The following HEPHL1 variants were observed in gnomAD, a reference collection of about 807,000 sequenced individuals.
HEPHL1 encodes the protein ferroxidase HEPHL1.
A neutral mutation model predicts 122.0 loss-of-function variants in HEPHL1; 123 were observed. The ratio of observed to expected loss-of-function variants is 1.01; its 90% CI spans 0.87 to 1.17. HEPHL1 has a LOEUF of 1.17. Ranked by LOEUF, HEPHL1 falls within the 50% of genes most tolerant of loss-of-function variation. The pLI, the probability that HEPHL1 is intolerant of heterozygous loss-of-function variation, is 0.00. For missense variants in HEPHL1, 1,452 were observed against 1,430.5 expected (o/e 1.01, Z -0.24); for synonymous variants, 527 against 508.9 (o/e 1.04, Z -0.48).
In HEPHL1 at chr11:94,073,163, T is replaced by C. The variant is rs763453557; in HGVS notation, c.1371T>C (p.Leu457=). ...LSAEEAHLGI[L]GPVIKAEVGD... Reference sequence around the variant, plus strand: ...CTGAAGAAGCCCATCTTGGAATTCTTGGTACAGTAAAACCATCCCCCATGC... The same window carrying C: ...CTGAAGAAGCCCATCTTGGAATTCTCGGTACAGTAAAACCATCCCCCATGC... Residue 457 remains leucine (L), a splice_region_variant and synonymous_variant, in exon 7 of 20, where the codon CTT becomes CTC. Coordinates refer to ENST00000315765, the MANE Select transcript of HEPHL1 (RefSeq NM_001098672.2). The C allele has an allele frequency of 3.7e-5, 60 of 1,612,970 alleles. No individual in the cohort carries two copies. The highest frequency in any genetic ancestry group is 4.9e-5 in the Non-Finnish European group (58 of 1,179,440).
chr11:94,113,372 C>G lies in HEPHL1; in HGVS notation c.*1478C>G, dbSNP rs537242264. On this transcript the variant is annotated 3_prime_UTR_variant, in exon 20 of 20. Coordinates refer to ENST00000315765, the MANE Select transcript of HEPHL1 (RefSeq NM_001098672.2). ...TATTCTGGTGGAGGGACCTTTCACA[C>G]TGTCTCATCTTCATCTTCATGAGGG... 11 of 152,188 alleles carry G rather than the reference C, an allele frequency of 7.2e-5. No homozygotes were observed. Among genetic ancestry groups the G allele is most frequent in the Non-Finnish European group, 1.0e-4 (7 of 68,028 alleles). 9.4% of individuals were successfully genotyped at this position (152,188 alleles called of 1,614,324 possible). A position where few individuals can be genotyped will look rare whatever the true frequency, so the allele number is the denominator to read the frequency against.
rs1470198082 is a variant in HEPHL1 at position 94,082,403 on chromosome 11, C to A, written c.1717-15C>A. The stretch of plus-strand genomic sequence containing the variant: ...AGCTGTACCTTTTATGTATTCATTT[C>A]TTTCTTCTCTGTAGAAAGGAATAGA... On this transcript the variant is annotated splice_polypyrimidine_tract_variant and intron_variant, in intron 9 of 19. Transcript: ENST00000315765. The A allele has an allele frequency of 2.5e-6, 4 of 1,584,762 alleles. No individual in the cohort carries two copies. The highest frequency in any genetic ancestry group is 3.4e-6 in the Non-Finnish European group (4 of 1,164,506).
chr11:94,036,771 G>A lies in HEPHL1; in HGVS notation c.171-8902G>A, dbSNP rs775814330. Among the ~76,000 whole-genome samples the A allele has an allele frequency of 6.6e-5, 10 of 151,280 alleles. No homozygotes were observed. The East Asian group carries it at 7.8e-4, about 12-fold the overall frequency. On this transcript the variant is annotated intron_variant, in intron 1 of 19. Transcript: ENST00000315765. The stretch of plus-strand genomic sequence containing the variant: ...GGAGAACGGTGTGAACCCGGAAGGC[G>A]GAGGTTGCAGTGAGCCTAGATCGTG...
chr11:94,089,929 C>T (rs923798405), intron 12 of HEPHL1, among the ~76,000 whole-genome samples: 27 of 152,094 alleles, frequency 1.8e-4, no homozygotes, highest in African/African-American at 2.2e-4. Flanking sequence ...CACCTACCCT[C>T]GCCCCCTGCC....
chr11:94,026,457 C>T (rs1945626028), intron 1 of HEPHL1, among the ~76,000 whole-genome samples: 1 of 152,190 alleles, frequency 6.6e-6, no homozygotes, highest in Non-Finnish European at 1.5e-5. Flanking sequence ...CCCTGCTCCC[C>T]TCCCCTACCT....
At chr11:94,105,529 C>T (rs1450530831) in intron 16 of HEPHL1, among the ~76,000 whole-genome samples, 2 of 152,062 alleles carry the variant, frequency 1.3e-5, no homozygotes, top group Non-Finnish European at 2.9e-5. Flanking sequence ...GAGCTCAGCC[C>T]GTGTGAAGCT....
chr11:94,093,375 C>T, intron 12 of HEPHL1, 126 bp from the exon 13 acceptor site: 1 of 1,045,842 alleles, frequency 9.6e-7, no homozygotes, highest in African/African-American at 1.6e-5. Flanking sequence ...GGCCTGCTCC[C>T]CAGGGAGCAC....
chr11:94,026,432 A>G (rs1263528774), intron 1 of HEPHL1, among the ~76,000 whole-genome samples: 1 of 152,186 alleles, frequency 6.6e-6, no homozygotes, highest in Admixed American at 6.5e-5. Context: ...TGAATATTGC[A>G]AGGCAGCTGG....
chr11:94,089,308 G>T (rs1591483765), intron 12 of HEPHL1, among the ~76,000 whole-genome samples: 1 of 152,202 alleles, frequency 6.6e-6, no homozygotes, highest in African/African-American at 2.4e-5. Flanking sequence ...GGCAGAGAGG[G>T]TGTATGATGT....
intron 17 of HEPHL1, among the ~76,000 whole-genome samples, chr11:94,106,765 C>T (rs889115568): frequency 2.0e-5 from 3 of 152,170 alleles, no homozygotes; most frequent in Admixed American, 1.3e-4. Flanking sequence ...CCCTTTTCCT[C>T]ACCCTTCCTT....
At chr11:94,075,432 G>C (rs1946113721) in intron 9 of HEPHL1, 47 bp downstream of exon 9, 2 of 1,349,396 alleles carry the variant, frequency 1.5e-6, no homozygotes, top group Admixed American at 2.2e-5. Context: ...GTATGTGGGA[G>C]AGATCCGCAA....
intron 2 of HEPHL1, among the ~76,000 whole-genome samples, chr11:94,057,909 C>G (rs1261786776): frequency 6.6e-6 from 1 of 151,484 alleles, no homozygotes; most frequent in Non-Finnish European, 1.5e-5. Context: ...GATTCTCATT[C>G]CTTCATCAAC....
At position 94,022,963 on chromosome 11, in the gene HEPHL1, G is replaced by T. The variant is rs1565341934; in HGVS notation, c.170+1425G>T. Among the ~76,000 whole-genome samples, 3 of 152,308 alleles carry T rather than the reference G, an allele frequency of 2.0e-5. No individual in the cohort carries two copies. The South Asian group carries it at 6.2e-4, about 32-fold the overall frequency. On this transcript the variant is annotated intron_variant, in intron 1 of 19. Transcript: ENST00000315765. ...GTGATACTGGATTGCCTTTCCATAAGATTAACACCCACAGAAATTCTTCTT... is the reference window on the plus strand; with the variant it reads ...GTGATACTGGATTGCCTTTCCATAATATTAACACCCACAGAAATTCTTCTT...
At chr11:94,023,693 C>T (rs991137888) in intron 1 of HEPHL1, among the ~76,000 whole-genome samples, 1 of 152,128 alleles carries the variant, frequency 6.6e-6, no homozygotes, top group African/African-American at 2.4e-5. Flanking sequence ...GGTGTCATAC[C>T]TAGAACGCCA....
chr11:94,033,637 G>A (rs905141640), intron 1 of HEPHL1, among the ~76,000 whole-genome samples: 1 of 152,126 alleles, frequency 6.6e-6, no homozygotes. Context: ...GACCTAGAGG[G>A]TATTCAAATA....
rs1041080599 is a variant in HEPHL1, at chr11:94,109,747, A to G, written c.3046-1156A>G. Among the ~76,000 whole-genome samples the G allele has an allele frequency of 1.5e-4, 23 of 152,122 alleles. 1 individual carries two copies. Among genetic ancestry groups the G allele is most frequent in the Admixed American group, 1.3e-3 (20 of 15,270 alleles). ...GGAATTGATTTGCTAGTATTTTGTT[A>G]TGGATGATGGTATCTATGTTCATGA... On this transcript the variant is annotated intron_variant, in intron 17 of 19. Coordinates refer to ENST00000315765, the MANE Select transcript of HEPHL1 (RefSeq NM_001098672.2).
intron 5 of HEPHL1, among the ~76,000 whole-genome samples, chr11:94,070,166 T>C (rs1051503363): frequency 6.6e-6 from 1 of 152,188 alleles, no homozygotes; most frequent in Admixed American, 6.5e-5. Flanking sequence ...TCTTTATCTG[T>C]AAAAGTGATT....
At chr11:94,042,875 T>TTAAAAAAAAAAAAA (rs772689404) in intron 1 of HEPHL1, among the ~76,000 whole-genome samples, 9 of 63,188 alleles carry the variant, frequency 1.4e-4, no homozygotes, top group Non-Finnish European at 2.9e-5. Flanking sequence ...TAAAGTATAA[T>TTAAAAAAAAAAAAA]AAAAAAAAAA....
chr11:94,036,635 G>A (rs531286717), intron 1 of HEPHL1, among the ~76,000 whole-genome samples: 2 of 152,200 alleles, frequency 1.3e-5, no homozygotes, highest in East Asian at 3.9e-4. Flanking sequence ...AGGAGATTGA[G>A]ACCATCCTGG....
Sources: allele counts gnomAD v4.1 joint callset (sites outside exome capture counted in the v4.1 genomes callset), GRCh38; gene constraint gnomAD v4.1.1; transcripts MANE v1.5; gene names NCBI Gene and HGNC (gene_info 2026-07-23, HGNC 2026-07-21).